The following FA2H variants were observed in gnomAD, a reference collection of about 807,000 sequenced individuals.
FA2H encodes fatty acid alpha-hydroxylase.
A neutral mutation model predicts 44.9 loss-of-function variants in FA2H; 22 were observed. The ratio of observed to expected loss-of-function variants is 0.49; its 90% CI spans 0.35 to 0.70. The LOEUF is 0.70. Among genes scored for constraint, FA2H ranks in the 30% least tolerant of loss-of-function variants. FA2H has a pLI of 0.01. For missense variants in FA2H, 501 were observed against 504.9 expected (o/e 0.99, Z 0.07); for synonymous variants, 243 against 213.2 (o/e 1.14, Z -1.22).
chr16:74,713,289 A>C lies in FA2H; in HGVS notation c.*901T>G, dbSNP rs1961616873. On this transcript the variant is annotated 3_prime_UTR_variant, in exon 7 of 7. Coordinates refer to ENST00000219368, the MANE Select transcript of FA2H (RefSeq NM_024306.5). ...AAGAACATGTATCTGGTTTATAAAT[A>C]AGACCGTCCTGGGAGCAGTGAGGGT... 6.5e-6 allele frequency: 1 copy of C among 152,684 alleles called. No individual in the cohort carries two copies. Among genetic ancestry groups the C allele is most frequent in the Non-Finnish European group, 1.5e-5 (1 of 68,048 alleles). The allele number at this position is 152,684 out of a possible 1,614,324, so 9.5% of individuals were successfully genotyped here.
intron 1 of FA2H, among the ~76,000 whole-genome samples, chr16:74,762,723 T>C (rs1001849570): frequency 1.3e-5 from 2 of 152,088 alleles, no homozygotes; most frequent in Admixed American, 1.3e-4. Context: ...AGAGATGGGG[T>C]TTCACCATAT....
chr16:74,725,232 C>T (rs1260064461), intron 4 of FA2H, among the ~76,000 whole-genome samples: 7 of 152,178 alleles, frequency 4.6e-5, no homozygotes, highest in East Asian at 3.9e-4. Context: ...TTCCTGATGC[C>T]GTGACCATGG....
chr16:74,725,212 A>C (rs1279954354), intron 4 of FA2H, among the ~76,000 whole-genome samples: 1 of 152,172 alleles, frequency 6.6e-6, no homozygotes, highest in Non-Finnish European at 1.5e-5. Flanking sequence ...GGTCAGGTGG[A>C]TAAATGAAGT....
chr16:74,764,118 GCT>G (rs1444762168), intron 1 of FA2H, among the ~76,000 whole-genome samples: 4 of 152,256 alleles, frequency 2.6e-5, no homozygotes, highest in South Asian at 4.2e-4. Flanking sequence ...TTGTGGCTGA[GCT>G]CTTTTTCCAT....
rs781172621 is a variant in FA2H, at chr16:74,719,066, G to C, written c.708C>G (p.Phe236Leu). 1 of 1,614,066 alleles carries C rather than the reference G, an allele frequency of 6.2e-7. No homozygotes were observed. The highest frequency in any genetic ancestry group is 8.5e-7 in the Non-Finnish European group (1 of 1,180,030). The change falls in exon 5 of 7, where the codon TTC (phenylalanine) becomes TTG (leucine). Residue 236 changes from phenylalanine (F) to leucine (L), a missense_variant. Transcript: ENST00000219368. ...WSLIEYLIHR[F>L]LFHMKPPSDS... ...CGCTGGGGGGCTTCATGTGGAACAG[G>C]AAGCGGTGGATGAGGTACTCGATGA...
At position 74,744,877 on chromosome 16, in the gene FA2H, C is replaced by T. The variant is rs79378677; in HGVS notation, c.271-4762G>A. The stretch of plus-strand genomic sequence containing the variant: ...CTGGGATTACAGGTGTGAACCACCA[C>T]GCCTGGCTGGTGATGCCTTTGAACT... On this transcript the variant is annotated intron_variant, in intron 1 of 6. Coordinates refer to ENST00000219368, the MANE Select transcript of FA2H (RefSeq NM_024306.5). Among the ~76,000 whole-genome samples, 912 of 152,260 alleles carry T rather than the reference C, an allele frequency of 6.0e-3. 14 individuals carry two copies. The highest frequency in any genetic ancestry group is 0.021 in the African/African-American group (879 of 41,548).
intron 2 of FA2H, among the ~76,000 whole-genome samples, chr16:74,728,267 A>T (rs1361008893): frequency 6.6e-6 from 1 of 152,196 alleles, no homozygotes; most frequent in Non-Finnish European, 1.5e-5. Context: ...CTTCAAAAAT[A>T]AAAAAATAAT....
intron 4 of FA2H, among the ~76,000 whole-genome samples, chr16:74,719,900 G>A (rs1363822785): frequency 2.6e-5 from 4 of 151,618 alleles, no homozygotes; most frequent in African/African-American, 9.7e-5. Context: ...AGGGACCATG[G>A]GGCAGGAAGG....
rs114370228 is a variant in FA2H at position 74,760,420 on chromosome 16, G to A, written c.270+14066C>T. On this transcript the variant is annotated intron_variant, in intron 1 of 6. Transcript: ENST00000219368. ...TGCAGCAACCAGGCATTTCCTAAGCGCCTGTGATGGCAGGTAAAGCTTTTC... is the reference window on the plus strand; with the variant it reads ...TGCAGCAACCAGGCATTTCCTAAGCACCTGTGATGGCAGGTAAAGCTTTTC... Among the ~76,000 whole-genome samples the A allele has an allele frequency of 9.9e-3, 1,514 of 152,242 alleles. 21 individuals carry two copies. The highest frequency in any genetic ancestry group is 0.033 in the African/African-American group (1,390 of 41,524).
At chr16:74,756,134 C>A (rs1962607548) in intron 1 of FA2H, among the ~76,000 whole-genome samples, 3 of 152,208 alleles carry the variant, frequency 2.0e-5, no homozygotes, top group Non-Finnish European at 4.4e-5. Context: ...CCCTAGCAAT[C>A]ATGGCTGCCC....
intron 1 of FA2H, among the ~76,000 whole-genome samples, chr16:74,764,726 T>TA (rs202030097): frequency 0.1 from 14,592 of 144,260 alleles, 811 homozygotes; most frequent in African/African-American, 0.16. Context: ...CTTAGAAGTT[T>TA]AAAAAAAAAA....
At chr16:74,729,977 G>A (rs1962041483) in intron 2 of FA2H, among the ~76,000 whole-genome samples, 1 of 152,140 alleles carries the variant, frequency 6.6e-6, no homozygotes, top group Non-Finnish European at 1.5e-5. Flanking sequence ...GAGCTTGCAA[G>A]CCTGGACGAA....
chr16:74,744,902 TG>T (rs1244274287), intron 1 of FA2H, among the ~76,000 whole-genome samples: 1 of 152,142 alleles, frequency 6.6e-6, no homozygotes, highest in Non-Finnish European at 1.5e-5. Context: ...GCCTTTGAAC[TG>T]GGTAGGTTTC....
chr16:74,764,384 AG>A (rs1462597763), intron 1 of FA2H, among the ~76,000 whole-genome samples: 1 of 152,246 alleles, frequency 6.6e-6, no homozygotes, highest in Non-Finnish European at 1.5e-5. Context: ...AATACTATAC[AG>A]CCACAAAAAA....
intron 1 of FA2H, among the ~76,000 whole-genome samples, chr16:74,740,444 C>G (rs1428953151): frequency 6.6e-6 from 1 of 151,724 alleles, no homozygotes; most frequent in African/African-American, 2.4e-5. Flanking sequence ...TGGTGAAAAC[C>G]TGTCTCTACT....
At chr16:74,771,956 T>TC (rs895882288) in intron 1 of FA2H, among the ~76,000 whole-genome samples, 1 of 151,592 alleles carries the variant, frequency 6.6e-6, no homozygotes, top group Non-Finnish European at 1.5e-5. Context: ...GGCTTCCTTT[T>TC]TTTTTTTTTT....
chr16:74,717,169 C>T (rs1446426583), intron 5 of FA2H: 1 of 153,498 alleles, frequency 6.5e-6, no homozygotes, highest in East Asian at 1.9e-4. Flanking sequence ...CCACAGTGAA[C>T]CAGAGAACAC....
At chr16:74,770,190 G>A (rs1962880871) in intron 1 of FA2H, among the ~76,000 whole-genome samples, 1 of 152,206 alleles carries the variant, frequency 6.6e-6, no homozygotes. Flanking sequence ...GAGACAGGGG[G>A]CTCTAACCAC....
chr16:74,736,672 G>GT (rs2144629512), intron 2 of FA2H, among the ~76,000 whole-genome samples: 1 of 152,312 alleles, frequency 6.6e-6, no homozygotes, highest in South Asian at 2.1e-4. Flanking sequence ...CCCAGCAGCT[G>GT]GTTATGCCAG....
Sources: allele counts gnomAD v4.1 joint callset (sites outside exome capture counted in the v4.1 genomes callset), GRCh38; gene constraint gnomAD v4.1.1; transcripts MANE v1.5; gene names NCBI Gene and HGNC (gene_info 2026-07-23, HGNC 2026-07-21).